Variants in CRELD1 observed in about 807,000 individuals in gnomAD.
CRELD1 encodes the protein CRELD disulfide isomerase 1.
CRELD1 carries 42 observed loss-of-function variants against 58.2 expected under a neutral mutation model. That is an observed-to-expected ratio of 0.72 (90% confidence interval 0.56 to 0.93). CRELD1 has a LOEUF of 0.93. Ranked by LOEUF, CRELD1 falls within the 40% of genes least tolerant of loss-of-function variation. CRELD1 has a pLI of 0.00. For synonymous variants in CRELD1, 222 were observed against 202.0 expected (o/e 1.10, Z -0.84); for missense variants, 500 against 540.6 (o/e 0.92, Z 0.74).
At position 9,940,963 on chromosome 3, in the gene CRELD1, T is replaced by C; in HGVS notation, c.574T>C (p.Cys192Arg). The C allele has an allele frequency of 6.2e-7, 1 of 1,614,090 alleles. No individual in the cohort carries two copies. The highest frequency in any genetic ancestry group is 8.5e-7 in the Non-Finnish European group (1 of 1,180,014). The change falls in exon 6 of 11, where the codon TGT (cysteine) becomes CGT (arginine). Residue 192 changes from cysteine to arginine, a missense_variant. Coordinates refer to ENST00000452070, the MANE Select transcript of CRELD1 (RefSeq NM_001077415.3). ...DCQAGYGGEA[C>R]GQCGLGYFEA... Reference sequence around the variant, plus strand: ...CCAAGCCGGCTACGGGGGTGAGGCCTGTGGCCAGTGTGGCCTTGGCTACTT... The same window carrying C: ...CCAAGCCGGCTACGGGGGTGAGGCCCGTGGCCAGTGTGGCCTTGGCTACTT...
At chr3:9,944,180 T>C (rs1204979939) in intron 10 of CRELD1, 185 bp from the exon 11 acceptor site, 1 of 791,836 alleles carries the variant, frequency 1.3e-6, no homozygotes, top group African/African-American at 1.7e-5. Flanking sequence ...CACTTTCCCA[T>C]TTAGTGAGAC....
chr3:9,936,525 G>A lies in CRELD1; in HGVS notation c.258-1037G>A, dbSNP rs912587372. ...TATATATATGTGCATATATGTCTGC[G>A]TATATATATGTGCGTATATATATGC... On this transcript the variant is annotated intron_variant, in intron 3 of 10. Coordinates refer to ENST00000452070, the MANE Select transcript of CRELD1 (RefSeq NM_001077415.3). Among the ~76,000 whole-genome samples, 5 of 139,904 alleles carry A rather than the reference G, an allele frequency of 3.6e-5. No homozygotes were observed. The South Asian group carries it at 9.4e-4, about 26-fold the overall frequency. 91.8% of individuals were successfully genotyped at this position (139,904 alleles called of 152,430 possible). A position where few individuals can be genotyped will look rare whatever the true frequency, so the allele number is the denominator to read the frequency against.
rs546990283 is a variant in CRELD1 at position 9,935,771 on chromosome 3, C to T, written c.257+854C>T. 6.6e-5 allele frequency: 10 copies of T among 151,858 alleles called. No individual in the cohort carries two copies. In the East Asian group the frequency reaches 1.7e-3, roughly 26 times the overall value. The allele number at this position is 151,858 out of a possible 1,614,324, so 9.4% of individuals were successfully genotyped here. A position where few individuals can be genotyped will look rare whatever the true frequency, so the allele number is the denominator to read the frequency against. ...TTTTCTAAGATGGTGAGATGCGAAA[C>T]CGAGAAGGTTTAGGGGAGGGGTGGG... On this transcript the variant is annotated intron_variant, in intron 3 of 10. Transcript: ENST00000452070.
chr3:9,943,033 G>A (rs1272610584), intron 8 of CRELD1, 44 bp from the exon 9 acceptor site: 9 of 1,593,392 alleles, frequency 5.6e-6, no homozygotes, highest in Non-Finnish European at 6.9e-6. Context: ...GCTCCCCTGG[G>A]CCTAGGTGCA....
rs943062473 is a variant in CRELD1, at chr3:9,945,056, C to T, written c.*477C>T. ...AAGGCATCAGTCTTACTACCTGTCC[C>T]ACCACCCCCACCTTAGGGAAATGTC... On this transcript the variant is annotated 3_prime_UTR_variant, in exon 11 of 11. Transcript: ENST00000452070. The T allele has an allele frequency of 5.0e-6, 1 of 198,928 alleles. No homozygotes were observed. Among genetic ancestry groups the T allele is most frequent in the Admixed American group, 5.3e-5 (1 of 18,980 alleles). The allele number at this position is 198,928 out of a possible 1,614,324, so 12.3% of individuals were successfully genotyped here.
At position 9,938,476 on chromosome 3, in the gene CRELD1, C is replaced by T. The variant is rs372470199; in HGVS notation, c.460+370C>T. On this transcript the variant is annotated intron_variant, in intron 5 of 10. Coordinates refer to ENST00000452070, the MANE Select transcript of CRELD1 (RefSeq NM_001077415.3). ...CTCACACACAGTCCTGGCACAAGAG[C>T]TGAACTTACTACCAGCCTCTTTTAG... The T allele has an allele frequency of 1.2e-4, 28 of 236,522 alleles. No homozygotes were observed. The East Asian group carries it at 1.6e-3, about 13-fold the overall frequency. The allele number at this position is 236,522 out of a possible 1,614,324, so 14.7% of individuals were successfully genotyped here.
chr3:9,941,652 T>TG (rs1433720573), intron 7 of CRELD1, among the ~76,000 whole-genome samples: 1 of 151,250 alleles, frequency 6.6e-6, no homozygotes, highest in Non-Finnish European at 1.5e-5. Flanking sequence ...TAGCTGGGCG[T>TG]GGTGGCGGGT....
chr3:9,942,670 G>A, intron 7 of CRELD1, 143 bp from the exon 8 acceptor site: 1 of 727,132 alleles, frequency 1.4e-6, no homozygotes, highest in Non-Finnish European at 2.5e-6. Context: ...CTGAAGTCCA[G>A]CTAGTCTGCT....
intron 5 of CRELD1, 54 bp from the exon 6 acceptor site, chr3:9,940,796 C>G: frequency 1.4e-6 from 2 of 1,421,842 alleles, no homozygotes; most frequent in Non-Finnish European, 9.6e-7. Flanking sequence ...AAAATATTAT[C>G]TTGTATATCA....
At chr3:9,940,230 G>C (rs1317093781) in intron 5 of CRELD1, among the ~76,000 whole-genome samples, 10 of 152,080 alleles carry the variant, frequency 6.6e-5, no homozygotes, top group Admixed American at 6.5e-4. Context: ...ACGATGGGCC[G>C]CCAGGCAGAG....
intron 5 of CRELD1, among the ~76,000 whole-genome samples, chr3:9,939,747 C>T (rs947077626): frequency 4.6e-5 from 7 of 152,294 alleles, no homozygotes; most frequent in Middle Eastern, 3.4e-3. Context: ...TACACAGACA[C>T]AGCAACCATC....
At chr3:9,938,566 A>G (rs1481420666) in intron 5 of CRELD1, 3 of 171,926 alleles carry the variant, frequency 1.7e-5, no homozygotes, top group Non-Finnish European at 3.8e-5. Flanking sequence ...AGTCTTTGTA[A>G]AAGAAAATAT....
rs186846833 is a variant in CRELD1, at chr3:9,944,487, G to A, written c.1171G>A (p.Ala391Thr). ...TGCTAAGGGCGACTTGGTGTTCACC[G>A]CCATCTTCATTGGGGCTGTGGCGGC... Reference protein sequence around the residue: ...LAAKGDLVFTAIFIGAVAAMT... With the variant: ...LAAKGDLVFTTIFIGAVAAMT... Residue 391 changes from alanine (A) to threonine (T), a missense_variant, in exon 11 of 11, where the codon GCC becomes ACC. Physicochemically the swap from Ala to Thr is moderately conservative, Grantham distance 58. Transcript: ENST00000452070. 3.2e-5 allele frequency: 51 copies of A among 1,613,220 alleles called. No individual in the cohort carries two copies. In the East Asian group the frequency reaches 9.1e-4, roughly 29 times the overall value.
rs1388995209 is a variant in CRELD1 at position 9,944,306 on chromosome 3, C to T, written c.1049-59C>T. ...GGTGTGTGGGAGTTCTGGGGAGACT[C>T]CAAGAACTACCAGGAACAGGGATAC... On this transcript the variant is annotated intron_variant, in intron 10 of 10. Coordinates refer to ENST00000452070, the MANE Select transcript of CRELD1 (RefSeq NM_001077415.3). The T allele has an allele frequency of 6.7e-6, 10 of 1,485,882 alleles. No homozygotes were observed. The African/African-American group carries it at 1.2e-4, about 18-fold the overall frequency. 92.0% of individuals were successfully genotyped at this position (1,485,882 alleles called of 1,614,324 possible).
chr3:9,933,894 C>T lies in CRELD1; in HGVS notation c.-46C>T. The T allele has an allele frequency of 2.2e-6, 1 of 453,826 alleles. No individual in the cohort carries two copies. The highest frequency in any genetic ancestry group is 3.9e-6 in the Non-Finnish European group (1 of 253,620). 28.1% of individuals were successfully genotyped at this position (453,826 alleles called of 1,614,324 possible). A position where few individuals can be genotyped will look rare whatever the true frequency, so the allele number is the denominator to read the frequency against. On this transcript the variant is annotated 5_prime_UTR_variant, in exon 1 of 11. Transcript: ENST00000452070. ...CGGCGCCCGCGGGCTGGGGCGGTCG[C>T]TTCTTCCTTCTCCGTGGCCTACGAG... is the stretch of plus-strand genomic sequence containing the variant.
intron 5 of CRELD1, chr3:9,938,440 C>T (rs963308185): frequency 6.0e-6 from 2 of 335,084 alleles, no homozygotes; most frequent in Admixed American, 4.3e-5. Context: ...CCTCCATGAT[C>T]GCCATCCATC....
In CRELD1 at chr3:9,942,090, C is replaced by T. The variant is rs139215137; in HGVS notation, c.734-723C>T. On this transcript the variant is annotated intron_variant, in intron 7 of 10. Coordinates refer to ENST00000452070, the MANE Select transcript of CRELD1 (RefSeq NM_001077415.3). ...TTCGAGACCAGCCTGGCCAACATGG[C>T]AAAACCCTGTCTGTACTAAAAATAC... Among the ~76,000 whole-genome samples, 3 of 151,674 alleles carry T rather than the reference C, an allele frequency of 2.0e-5. No homozygotes were observed. In the East Asian group the frequency reaches 5.9e-4, roughly 30 times the overall value.
chr3:9,935,962 C>A (rs2085180697), intron 3 of CRELD1: 1 of 152,068 alleles, frequency 6.6e-6, no homozygotes, highest in Non-Finnish European at 1.5e-5. Context: ...TACAGAAAGC[C>A]ATTATATAGT....
intron 8 of CRELD1, 80 bp from the exon 9 acceptor site, chr3:9,942,997 C>T: frequency 6.5e-7 from 1 of 1,543,156 alleles, no homozygotes; most frequent in South Asian, 1.1e-5. Context: ...TTCAGAGCAC[C>T]CCCAGGCCTC....
Sources: allele counts gnomAD v4.1 joint callset (sites outside exome capture counted in the v4.1 genomes callset), GRCh38; gene constraint gnomAD v4.1.1; transcripts MANE v1.5; gene names NCBI Gene and HGNC (gene_info 2026-07-23, HGNC 2026-07-21).